CACNA2D3: variants seen among roughly 807,000 people sequenced by gnomAD.
The protein encoded by CACNA2D3 is voltage-dependent calcium channel subunit alpha-2/delta-3.
CACNA2D3 carries 60 observed loss-of-function variants against 160.6 expected under a neutral mutation model. The observed-to-expected ratio is 0.37, with a 90% CI of 0.30 to 0.46. The LOEUF is 0.46. Among genes scored for constraint, CACNA2D3 ranks in the 20% least tolerant of loss-of-function variants. The probability of loss-of-function intolerance (pLI) is 1.00; values close to 1 mark genes in which losing one functional copy is unlikely to be tolerated. For synonymous variants in CACNA2D3, 558 were observed against 492.9 expected (o/e 1.13, Z -1.75); for missense variants, 1,205 against 1,365.0 (o/e 0.88, Z 1.85).
intron 2 of CACNA2D3, among the ~76,000 whole-genome samples, chr3:54,303,354 A>G (rs1703522324): frequency 6.6e-6 from 1 of 152,022 alleles, no homozygotes; most frequent in Non-Finnish European, 1.5e-5. Flanking sequence ...GAAAGCGAAA[A>G]TTTTCTTCTA....
chr3:54,918,359 T>TTTTA, intron 27 of CACNA2D3: 1 of 628,042 alleles, frequency 1.6e-6, no homozygotes, highest in Non-Finnish European at 2.3e-6. Context: ...TTTTTTTGTC[T>TTTTA]TTTGGCAAAA....
At chr3:54,307,286 T>C (rs1355464860) in intron 2 of CACNA2D3, among the ~76,000 whole-genome samples, 1 of 152,188 alleles carries the variant, frequency 6.6e-6, no homozygotes, top group East Asian at 1.9e-4. Context: ...GATGATGTCT[T>C]CGCATCTCAG....
intron 35 of CACNA2D3, among the ~76,000 whole-genome samples, chr3:55,021,598 A>ATT (rs1393514849): frequency 7.7e-6 from 1 of 129,424 alleles, no homozygotes; most frequent in African/African-American, 3.1e-5. Flanking sequence ...GCATCTCTAA[A>ATT]TTATATATAT....
At chr3:54,325,787 A>G (rs12487996) in intron 3 of CACNA2D3, among the ~76,000 whole-genome samples, 1,808 of 152,352 alleles carry the variant, frequency 0.012, 29 homozygotes, top group South Asian at 0.044. Flanking sequence ...TGATGAGCCA[A>G]TTGTTTTCAA....
chr3:54,337,157 T>C (rs1704403231), intron 3 of CACNA2D3, among the ~76,000 whole-genome samples: 1 of 144,542 alleles, frequency 6.9e-6, no homozygotes, highest in East Asian at 1.9e-4. Context: ...GGTGGTATGC[T>C]GATGTCTGAG....
intron 2 of CACNA2D3, among the ~76,000 whole-genome samples, chr3:54,317,605 G>A (rs986832206): frequency 6.6e-6 from 1 of 151,956 alleles, no homozygotes; most frequent in Non-Finnish European, 1.5e-5. Flanking sequence ...TGGCGCGATC[G>A]CGGCTCACTG....
intron 13 of CACNA2D3, among the ~76,000 whole-genome samples, chr3:54,774,174 C>T (rs139641540): frequency 1.7e-4 from 26 of 152,202 alleles, no homozygotes; most frequent in African/African-American, 6.0e-4. Flanking sequence ...TGTCTTGAGG[C>T]GTGACTAGAT....
chr3:54,200,985 C>A (rs1184185755), intron 2 of CACNA2D3, among the ~76,000 whole-genome samples: 2 of 152,198 alleles, frequency 1.3e-5, no homozygotes, highest in African/African-American at 4.8e-5. Flanking sequence ...CTTAGAACTG[C>A]ATTGTCCAAT....
At chr3:54,992,196 G>A (rs1463540351) in intron 31 of CACNA2D3, among the ~76,000 whole-genome samples, 1 of 152,208 alleles carries the variant, frequency 6.6e-6, no homozygotes, top group Non-Finnish European at 1.5e-5. Context: ...TGATTCTCAT[G>A]TGCAGCCAGC....
intron 27 of CACNA2D3, among the ~76,000 whole-genome samples, chr3:54,913,247 T>C (rs1041149660): frequency 3.3e-5 from 5 of 152,126 alleles, no homozygotes; most frequent in Admixed American, 2.6e-4. Flanking sequence ...CACATCTAAT[T>C]AATTTTTGCA....
intron 10 of CACNA2D3, among the ~76,000 whole-genome samples, chr3:54,636,668 G>A (rs1232957894): frequency 6.6e-6 from 1 of 152,004 alleles, no homozygotes; most frequent in African/African-American, 2.4e-5. Flanking sequence ...TAAGAATTCT[G>A]ACTGCACTAT....
chr3:55,020,067 T>G (rs1703413085), intron 35 of CACNA2D3, among the ~76,000 whole-genome samples: 1 of 152,060 alleles, frequency 6.6e-6, no homozygotes. Context: ...GCCATTGTTA[T>G]TGTTGAAATC....
At chr3:54,857,656 C>T (rs1699202170) in intron 17 of CACNA2D3, among the ~76,000 whole-genome samples, 4 of 152,188 alleles carry the variant, frequency 2.6e-5, no homozygotes. Flanking sequence ...CAAATAAAAA[C>T]TTTGCACTTG....
intron 9 of CACNA2D3, among the ~76,000 whole-genome samples, chr3:54,587,374 T>A (rs1478875574): frequency 6.6e-6 from 1 of 151,976 alleles, no homozygotes; most frequent in Non-Finnish European, 1.5e-5. Flanking sequence ...CTGGCCAACA[T>A]TGTGAAACCC....
At chr3:54,299,675 C>G (rs1703429319) in intron 2 of CACNA2D3, among the ~76,000 whole-genome samples, 1 of 152,092 alleles carries the variant, frequency 6.6e-6, no homozygotes, top group Admixed American at 6.5e-5. Context: ...TAGAATTCAC[C>G]TTGAATTCAG....
intron 4 of CACNA2D3, among the ~76,000 whole-genome samples, chr3:54,400,513 A>G (rs193084568): frequency 1.3e-5 from 2 of 152,272 alleles, no homozygotes; most frequent in East Asian, 3.9e-4. Context: ...ATTGTGTGGA[A>G]AGAAAGAAGA....
intron 5 of CACNA2D3, among the ~76,000 whole-genome samples, chr3:54,513,676 TTG>T (rs1383422778): frequency 6.6e-6 from 1 of 151,792 alleles, no homozygotes; most frequent in African/African-American, 2.4e-5. Context: ...CTGTTTTTGT[TTG>T]TTTGTTTGTT....
chr3:54,442,543 A>G (rs1055867531), intron 4 of CACNA2D3, among the ~76,000 whole-genome samples: 2 of 152,166 alleles, frequency 1.3e-5, no homozygotes, highest in African/African-American at 4.8e-5. Flanking sequence ...ATTATCCTTG[A>G]GAAAAACAAA....
At chr3:54,232,751 A>G (rs72976256) in intron 2 of CACNA2D3, among the ~76,000 whole-genome samples, 5,161 of 152,258 alleles carry the variant, frequency 0.034, 278 homozygotes, top group African/African-American at 0.12. Context: ...ATTTTGATTT[A>G]TGGTGGCACA....
Sources: allele counts gnomAD v4.1 joint callset (sites outside exome capture counted in the v4.1 genomes callset), GRCh38; gene constraint gnomAD v4.1.1; transcripts MANE v1.5; gene names NCBI Gene and HGNC (gene_info 2026-07-23, HGNC 2026-07-21).